The following MGAT4C variants were observed in gnomAD, a reference collection of about 807,000 sequenced individuals.
MGAT4C encodes MGAT4 family member C, also known as alpha-1,3-mannosyl-glycoprotein 4-beta-N-acetylglucosaminyltransferase C.
MGAT4C carries 19 observed loss-of-function variants against 40.1 expected under a neutral mutation model. That is an observed-to-expected ratio of 0.47 (90% confidence interval 0.33 to 0.70). The LOEUF is 0.70. MGAT4C is among the 30% of genes least tolerant of loss of function. The probability of loss-of-function intolerance (pLI) is 0.02; values close to 1 mark genes in which losing one functional copy is unlikely to be tolerated. For missense variants in MGAT4C, 491 were observed against 563.2 expected (o/e 0.87, Z 1.30); for synonymous variants, 181 against 187.1 (o/e 0.97, Z 0.27).
At chr12:86,738,865 A>G (rs1951022527) in intron 1 of MGAT4C, among the ~76,000 whole-genome samples, 1 of 151,080 alleles carries the variant, frequency 6.6e-6, no homozygotes, top group South Asian at 2.1e-4. Flanking sequence ...GAGGTTGAAC[A>G]CAAAAGCCCG....
chr12:86,517,596 GAGAGC>G (rs934641580), intron 2 of MGAT4C, among the ~76,000 whole-genome samples: 3 of 152,038 alleles, frequency 2.0e-5, no homozygotes, highest in East Asian at 1.9e-4. Flanking sequence ...AATAGGTTTT[GAGAGC>G]AGAGCAAAGT....
chr12:86,082,915 C>T (rs1408006506), intron 1 of MGAT4C, among the ~76,000 whole-genome samples: 1 of 151,870 alleles, frequency 6.6e-6, no homozygotes, highest in African/African-American at 2.4e-5. Context: ...TGGAAAATGA[C>T]ATGAAAATTA....
At chr12:86,489,011 T>C (rs1188171459) in intron 2 of MGAT4C, among the ~76,000 whole-genome samples, 1 of 152,180 alleles carries the variant, frequency 6.6e-6, no homozygotes, top group Admixed American at 6.5e-5. Context: ...GTGCCCACTC[T>C]AACCCAGCTG....
At chr12:86,011,847 T>C in intron 2 of MGAT4C, 2 of 985,266 alleles carry the variant, frequency 2.0e-6, no homozygotes, top group Non-Finnish European at 2.4e-6. Context: ...GGTCTCAAAT[T>C]TGCAACCAGG....
At chr12:86,160,499 G>C (rs1239367625) in intron 1 of MGAT4C, among the ~76,000 whole-genome samples, 1 of 152,046 alleles carries the variant, frequency 6.6e-6, no homozygotes, top group African/African-American at 2.4e-5. Context: ...GCGAGCATGT[G>C]ATCAATCTTA....
In MGAT4C at chr12:86,829,582, C is replaced by CA. The variant is rs894732767; in HGVS notation, c.-262+9083dup. On this transcript the variant is annotated intron_variant, in intron 1 of 7. Coordinates refer to the MGAT4C transcript ENST00000548651. ...TTTGTTTTCCTCATCTTATTTCAAA[C>CA]AAAAAAAATCAAGTGTATTCATAAC... Among the ~76,000 whole-genome samples the CA allele has an allele frequency of 2.3e-4, 34 of 150,640 alleles. No homozygotes were observed. The South Asian group carries it at 4.2e-3, about 19-fold the overall frequency.
intron 1 of MGAT4C, among the ~76,000 whole-genome samples, chr12:86,154,251 T>A (rs1325912352): frequency 2.0e-5 from 3 of 152,160 alleles, no homozygotes; most frequent in Non-Finnish European, 4.4e-5. Flanking sequence ...TGAAATAGGC[T>A]GGGAATTCAA....
intron 3 of MGAT4C, among the ~76,000 whole-genome samples, chr12:86,384,440 T>C (rs1956014954): frequency 1.3e-5 from 2 of 152,296 alleles, no homozygotes; most frequent in Admixed American, 6.5e-5. Context: ...ATATTTGGGA[T>C]AATGGTGTTC....
intron 1 of MGAT4C, among the ~76,000 whole-genome samples, chr12:86,204,653 A>C (rs1434165710): frequency 6.6e-6 from 1 of 152,086 alleles, no homozygotes; most frequent in East Asian, 1.9e-4. Flanking sequence ...ATTCTGAGTT[A>C]CTTTAACCTT....
intron 2 of MGAT4C, among the ~76,000 whole-genome samples, chr12:86,514,924 C>T (rs978090685): frequency 5.9e-5 from 9 of 152,230 alleles, no homozygotes; most frequent in African/African-American, 2.2e-4. Flanking sequence ...ACCAAAAATT[C>T]TACTTTCAGC....
chr12:86,362,633 A>T (rs961670049), intron 3 of MGAT4C, among the ~76,000 whole-genome samples: 1 of 152,068 alleles, frequency 6.6e-6, no homozygotes, highest in African/African-American at 2.4e-5. Flanking sequence ...CAGCAATTAA[A>T]AGAATGTGAG....
chr12:86,681,396 A>G (rs1949978243), intron 2 of MGAT4C, among the ~76,000 whole-genome samples: 2 of 151,996 alleles, frequency 1.3e-5, no homozygotes, highest in Admixed American at 6.6e-5. Flanking sequence ...CCCTCTTCAT[A>G]GTATATTTGT....
At chr12:86,039,028 A>G (rs1457698736) in intron 2 of MGAT4C, among the ~76,000 whole-genome samples, 2 of 149,872 alleles carry the variant, frequency 1.3e-5, no homozygotes, top group Non-Finnish European at 3.0e-5. Flanking sequence ...TGTGTTGAAC[A>G]TTCTTTTCTT....
chr12:86,774,503 T>C (rs1362817608), intron 1 of MGAT4C, among the ~76,000 whole-genome samples: 4 of 151,682 alleles, frequency 2.6e-5, no homozygotes, highest in Non-Finnish European at 5.9e-5. Flanking sequence ...TCGATATATT[T>C]CTTTGAAAAG....
At chr12:86,774,796 TAATAAGAGCACTA>T (rs1951724663) in intron 1 of MGAT4C, among the ~76,000 whole-genome samples, 5 of 152,140 alleles carry the variant, frequency 3.3e-5, no homozygotes, top group Admixed American at 3.3e-4. Context: ...TACTTCATCT[TAATAAGAGCACTA>T]ATTTAATGAT....
rs1451416497 is a variant in MGAT4C, at chr12:85,976,649, A to ATATATATATGTATATATATAT, written c.*2619_*2639dup. On this transcript the variant is annotated 3_prime_UTR_variant, in exon 5 of 5. Transcript: ENST00000611864. ...ATTGTTATTTTTAACAAAGAAAATT[A>ATATATATATGTATATATATAT]TATATATATGTATATATATATTATA... is the stretch of plus-strand genomic sequence containing the variant. 1.2e-4 allele frequency: 18 copies of ATATATATATGTATATATATAT among 145,184 alleles called. No homozygotes were observed. The highest frequency in any genetic ancestry group is 2.0e-4 in the Non-Finnish European group (13 of 66,278). The allele number at this position is 145,184 out of a possible 1,614,324, so 9.0% of individuals were successfully genotyped here.
intron 1 of MGAT4C, among the ~76,000 whole-genome samples, chr12:86,098,172 T>C (rs1874297171): frequency 6.6e-6 from 1 of 151,748 alleles, no homozygotes. Flanking sequence ...ACAATGTTCC[T>C]ATGAAAAAGT....
chr12:86,697,445 T>C (rs1041721740), intron 2 of MGAT4C, among the ~76,000 whole-genome samples: 2 of 152,018 alleles, frequency 1.3e-5, no homozygotes, highest in African/African-American at 4.8e-5. Context: ...TACAGTATGA[T>C]TGAGACTCTT....
chr12:86,642,919 G>C (rs1963432763), intron 2 of MGAT4C, among the ~76,000 whole-genome samples: 1 of 151,540 alleles, frequency 6.6e-6, no homozygotes, highest in African/African-American at 2.4e-5. Flanking sequence ...ACATGATTTC[G>C]GGGATGTAAA....
Sources: allele counts gnomAD v4.1 joint callset (sites outside exome capture counted in the v4.1 genomes callset), GRCh38; gene constraint gnomAD v4.1.1; transcripts MANE v1.5; gene names NCBI Gene and HGNC (gene_info 2026-07-23, HGNC 2026-07-21).